PLXNA4: variants seen among roughly 807,000 people sequenced by gnomAD.
PLXNA4 encodes plexin A4.
PLXNA4 carries 44 observed loss-of-function variants against 191.8 expected under a neutral mutation model. That is an observed-to-expected ratio of 0.23 (90% CI 0.18 to 0.29). The LOEUF (loss-of-function observed/expected upper bound fraction) is 0.29. Among genes scored for constraint, PLXNA4 ranks in the 10% least tolerant of loss-of-function variants. PLXNA4 has a pLI of 1.00. For synonymous variants in PLXNA4, 1,082 were observed against 1,009.5 expected, an observed-to-expected ratio of 1.07 and a Z score of -1.36; for missense variants, 1,800 against 2,488.8, an observed-to-expected ratio of 0.72 and a Z score of 5.89.
chr7:132,640,663 G>C (rs1269151152), intron 2 of PLXNA4, among the ~76,000 whole-genome samples: 2 of 151,918 alleles, frequency 1.3e-5, no homozygotes, highest in Non-Finnish European at 2.9e-5. Flanking sequence ...ATGTTTTTCA[G>C]TTACCCAATC....
At chr7:132,484,648 C>G (rs2117498625) in intron 3 of PLXNA4, 1 of 1,196,832 alleles carries the variant, frequency 8.4e-7, no homozygotes, top group Non-Finnish European at 1.1e-6. Context: ...TGACCGAACC[C>G]TGTATCAAAT....
intron 3 of PLXNA4, among the ~76,000 whole-genome samples, chr7:132,318,877 A>ATT (rs1802054822): frequency 6.6e-6 from 1 of 151,012 alleles, no homozygotes; most frequent in Admixed American, 6.6e-5. Flanking sequence ...CTGGTCTTTA[A>ATT]CAAGTGTGGA....
chr7:132,271,675 TG>T (rs1335047195), intron 4 of PLXNA4, among the ~76,000 whole-genome samples: 2 of 152,040 alleles, frequency 1.3e-5, no homozygotes, highest in African/African-American at 4.8e-5. Flanking sequence ...CATGAAATGA[TG>T]GATGTAACTA....
At position 132,155,744 on chromosome 7, in the gene PLXNA4, G is replaced by A. The variant is rs547547247; in HGVS notation, c.4660+3729C>T. On this transcript the variant is annotated intron_variant, in intron 25 of 31. Coordinates refer to ENST00000321063, the MANE Select transcript of PLXNA4 (RefSeq NM_020911.2). ...ACATTGCAGTGAAGGTGGGCCCTGC[G>A]GTTTCTGGGATAGTTAATTCTACGT... Among the ~76,000 whole-genome samples the A allele has an allele frequency of 5.3e-5, 8 of 152,302 alleles. No individual in the cohort carries two copies. In the South Asian group the frequency reaches 6.2e-4, roughly 12 times the overall value.
rs1584976090 is a variant in PLXNA4, at chr7:132,311,159, TG to T, written c.1372-12938del. Among the ~76,000 whole-genome samples, 3 of 77,690 alleles carry T rather than the reference TG, an allele frequency of 3.9e-5. No individual in the cohort carries two copies. In the East Asian group the frequency reaches 7.8e-4, roughly 20 times the overall value. The allele number at this position is 77,690 out of a possible 152,430, so 51.0% of individuals were successfully genotyped here. On this transcript the variant is annotated intron_variant, in intron 3 of 31. Transcript: ENST00000321063. ...GTTCCTGGGCTATCTAGGATAATTGTGTGTGTGTGTGTGTGTGTGTGTGTGT... is the reference window on the plus strand; with the variant it reads ...GTTCCTGGGCTATCTAGGATAATTGTTGTGTGTGTGTGTGTGTGTGTGTGT...
At chr7:132,471,186 G>T (rs1407782808) in intron 3 of PLXNA4, among the ~76,000 whole-genome samples, 1 of 152,104 alleles carries the variant, frequency 6.6e-6, no homozygotes, top group Non-Finnish European at 1.5e-5. Flanking sequence ...GCCTGCTCTC[G>T]ATTCGCCTTC....
rs1473508509 is a variant in PLXNA4, at chr7:132,178,843, T to TAC, written c.3874+843_3874+844insGT. On this transcript the variant is annotated intron_variant, in intron 20 of 31. Transcript: ENST00000321063. The stretch of plus-strand genomic sequence containing the variant: ...AATGAAACACATACACATACACATA[T>TAC]ATACACACACACACACACACACACA... 6.6e-4 allele frequency among the ~76,000 whole-genome samples: 28 copies of TAC among 42,540 alleles called. 1 individual carries two copies. Among genetic ancestry groups the TAC allele is most frequent in the Admixed American group, 2.1e-3 (9 of 4,204 alleles). The allele number at this position is 42,540 out of a possible 152,430, so 27.9% of individuals were successfully genotyped here. A position where few individuals can be genotyped will look rare whatever the true frequency, so the allele number is the denominator to read the frequency against.
At chr7:132,398,419 A>G (rs1326923506) in intron 3 of PLXNA4, among the ~76,000 whole-genome samples, 2 of 152,166 alleles carry the variant, frequency 1.3e-5, no homozygotes, top group East Asian at 3.9e-4. Flanking sequence ...GCAACAAGGA[A>G]CCACACATCC....
At chr7:132,257,425 T>C (rs530018890) in intron 4 of PLXNA4, among the ~76,000 whole-genome samples, 1 of 152,302 alleles carries the variant, frequency 6.6e-6, no homozygotes, top group East Asian at 1.9e-4. Context: ...TTCTAGACAA[T>C]CGCTCAGTGT....
intron 2 of PLXNA4, among the ~76,000 whole-genome samples, chr7:132,615,107 G>A (rs1803125211): frequency 6.6e-6 from 1 of 152,182 alleles, no homozygotes; most frequent in African/African-American, 2.4e-5. Context: ...CAAGGCTTTA[G>A]GACACGCCAT....
At chr7:132,203,777 C>G (rs770604557) in intron 10 of PLXNA4, among the ~76,000 whole-genome samples, 7 of 152,180 alleles carry the variant, frequency 4.6e-5, no homozygotes, top group African/African-American at 7.2e-5. Context: ...GAGGTAAAAC[C>G]GAGGGAGGAG....
chr7:132,368,936 C>T lies in PLXNA4; in HGVS notation c.1372-70714G>A, dbSNP rs540216864. ...CATAGCACTCTGAAAATGTTTGCCG[C>T]TGTCAGCACCACCTGAAGGGGCTTC... On this transcript the variant is annotated intron_variant, in intron 3 of 31. Coordinates refer to ENST00000321063, the MANE Select transcript of PLXNA4 (RefSeq NM_020911.2). 7.2e-5 allele frequency among the ~76,000 whole-genome samples: 11 copies of T among 152,332 alleles called. No individual in the cohort carries two copies. In the South Asian group the frequency reaches 1.7e-3, roughly 23 times the overall value.
intron 3 of PLXNA4, among the ~76,000 whole-genome samples, chr7:132,440,766 G>C (rs1052344099): frequency 6.6e-6 from 1 of 152,086 alleles, no homozygotes; most frequent in Non-Finnish European, 1.5e-5. Context: ...TGCTGTTATG[G>C]GATTTTTGCC....
chr7:132,200,801 G>GAAT (rs1797409274), intron 12 of PLXNA4, among the ~76,000 whole-genome samples: 1 of 152,226 alleles, frequency 6.6e-6, no homozygotes, highest in Non-Finnish European at 1.5e-5. Context: ...TAACCTAGGA[G>GAAT]AACATTACTC....
At chr7:132,233,353 G>A (rs1214288211) in intron 5 of PLXNA4, among the ~76,000 whole-genome samples, 1 of 152,156 alleles carries the variant, frequency 6.6e-6, no homozygotes, top group African/African-American at 2.4e-5. Context: ...TCCTAGGCAG[G>A]TGGGTGTGTA....
At chr7:132,619,631 T>C (rs978751192) in intron 2 of PLXNA4, among the ~76,000 whole-genome samples, 10 of 152,384 alleles carry the variant, frequency 6.6e-5, no homozygotes, top group African/African-American at 1.7e-4. Flanking sequence ...GTCTTATTCA[T>C]GGCTCCATTT....
intron 4 of PLXNA4, among the ~76,000 whole-genome samples, chr7:132,264,975 T>C (rs972298419): frequency 2.0e-5 from 3 of 152,226 alleles, no homozygotes; most frequent in Non-Finnish European, 4.4e-5. Flanking sequence ...ATTACAGGCA[T>C]GAGCCACTGC....
Position 132,354,186 on chromosome 7 carries a change from C to CGTGTGT in PLXNA4, c.1372-55970_1372-55965dup, listed in dbSNP as rs59554805. Among the ~76,000 whole-genome samples the CGTGTGT allele has an allele frequency of 6.6e-3, 875 of 132,630 alleles. 9 individuals carry two copies. Among genetic ancestry groups the CGTGTGT allele is most frequent in the African/African-American group, 0.025 (830 of 33,220 alleles). 87.0% of individuals were successfully genotyped at this position (132,630 alleles called of 152,430 possible). A position where few individuals can be genotyped will look rare whatever the true frequency, so the allele number is the denominator to read the frequency against. ...AAGCCTGGGGCACCAACAGTGTGTGCGTGTGTGTGTGTGTGTGTGAGTGCA... is the reference window on the plus strand; with the variant it reads ...AAGCCTGGGGCACCAACAGTGTGTGCGTGTGTGTGTGTGTGTGTGTGTGTGAGTGCA... On this transcript the variant is annotated intron_variant, in intron 3 of 31. Transcript: ENST00000321063.
chr7:132,351,174 C>A (rs75796739), intron 3 of PLXNA4, among the ~76,000 whole-genome samples: 1 of 152,108 alleles, frequency 6.6e-6, no homozygotes, highest in Non-Finnish European at 1.5e-5. Flanking sequence ...TTTGAGCTGT[C>A]TTTTTGCAGC....
Sources: gnomAD v4.1 joint callset for allele counts (sites outside exome capture counted in the v4.1 genomes callset) on GRCh38, gnomAD v4.1.1 for gene constraint, MANE v1.5 for transcripts, NCBI Gene and HGNC (gene_info 2026-07-23, HGNC 2026-07-21) for gene names.